FXR1: variants seen among roughly 807,000 people sequenced by gnomAD.
FXR1 encodes the protein FMR1 autosomal homolog 1.
Under a neutral mutation model 84.0 loss-of-function variants are expected in FXR1, and 15 were observed. The observed-to-expected ratio is 0.18, with a 90% CI of 0.12 to 0.27. The LOEUF (loss-of-function observed/expected upper bound fraction) is 0.27, where lower values mean the gene tolerates loss of function less well. FXR1 is among the 10% of genes least tolerant of loss of function. FXR1 has a pLI of 1.00. For missense variants in FXR1, 480 were observed against 774.4 expected, an observed-to-expected ratio of 0.62 and a Z score of 4.51; for synonymous variants, 245 against 250.7, an observed-to-expected ratio of 0.98 and a Z score of 0.21.
intron 3 of FXR1, among the ~76,000 whole-genome samples, chr3:180,935,817 C>T (rs945945043): frequency 6.6e-6 from 1 of 152,226 alleles, no homozygotes; most frequent in Non-Finnish European, 1.5e-5. Context: ...TTCTTTCAGG[C>T]TTGTCTCAGC....
At chr3:180,913,838 T>C (rs1166308398) in intron 1 of FXR1, among the ~76,000 whole-genome samples, 2 of 152,228 alleles carry the variant, frequency 1.3e-5, no homozygotes, top group Non-Finnish European at 2.9e-5. Flanking sequence ...TGAAGGGCCT[T>C]CTTCTAATAC....
chr3:180,962,749 T>G (rs902921890), intron 11 of FXR1, 134 bp from the exon 12 acceptor site: 5 of 648,348 alleles, frequency 7.7e-6, no homozygotes, highest in East Asian at 5.3e-5. Context: ...TTCTGTTGAC[T>G]AGGAACACAA....
In FXR1 at chr3:180,934,081, T is replaced by G. The variant is rs578193122; in HGVS notation, c.104+695T>G. 8.5e-5 allele frequency among the ~76,000 whole-genome samples: 13 copies of G among 152,252 alleles called. No individual in the cohort carries two copies. In the East Asian group the frequency reaches 2.5e-3, roughly 29 times the overall value. On this transcript the variant is annotated intron_variant, in intron 2 of 16. Coordinates refer to ENST00000357559, the MANE Select transcript of FXR1 (RefSeq NM_005087.4). Reference sequence around the variant, plus strand: ...GTGAGCTGAGACGGCGCCATTGCACTCCAGCCTGGACGACAAGAGCAAAAC... The same window carrying G: ...GTGAGCTGAGACGGCGCCATTGCACGCCAGCCTGGACGACAAGAGCAAAAC...
chr3:180,943,619 G>A (rs1721376014), intron 3 of FXR1, among the ~76,000 whole-genome samples: 4 of 152,140 alleles, frequency 2.6e-5, no homozygotes, highest in Admixed American at 2.6e-4. Flanking sequence ...CTTTATGAGA[G>A]TAACTTGGTC....
At chr3:180,926,974 A>G (rs900422033) in intron 1 of FXR1, among the ~76,000 whole-genome samples, 4 of 152,126 alleles carry the variant, frequency 2.6e-5, no homozygotes, top group Non-Finnish European at 4.4e-5. Context: ...CCACAACTCA[A>G]TCAAGATACC....
chr3:180,973,968 T>G (rs995305503), intron 15 of FXR1, among the ~76,000 whole-genome samples: 5 of 152,190 alleles, frequency 3.3e-5, no homozygotes, highest in African/African-American at 1.2e-4. Context: ...CCTAGTGACT[T>G]TAAATAAATA....
At chr3:180,974,467 A>T (rs1421449091) in intron 15 of FXR1, among the ~76,000 whole-genome samples, 2 of 152,090 alleles carry the variant, frequency 1.3e-5, no homozygotes, top group African/African-American at 2.4e-5. Context: ...TTGAAGAGAG[A>T]GTGTTGATGT....
At chr3:180,966,485 A>C (rs1343887223) in intron 13 of FXR1, among the ~76,000 whole-genome samples, 1 of 152,206 alleles carries the variant, frequency 6.6e-6, no homozygotes, top group South Asian at 2.1e-4. Flanking sequence ...TTTTTCCTCA[A>C]ATGATTGCAG....
At chr3:180,924,771 C>T (rs1480450705) in intron 1 of FXR1, among the ~76,000 whole-genome samples, 12 of 152,050 alleles carry the variant, frequency 7.9e-5, no homozygotes, top group Non-Finnish European at 1.3e-4. Flanking sequence ...GGATTACAGG[C>T]GTGAGCCACC....
In FXR1 at chr3:180,980,903, A is replaced by G. The variant is rs1044767256; in HGVS notation, c.*4611A>G. The G allele has an allele frequency of 1.3e-5, 2 of 151,860 alleles. No homozygotes were observed. Among genetic ancestry groups the G allele is most frequent in the African/African-American group, 4.8e-5 (2 of 41,326 alleles). 9.4% of individuals were successfully genotyped at this position (151,860 alleles called of 1,614,324 possible). A position where few individuals can be genotyped will look rare whatever the true frequency, so the allele number is the denominator to read the frequency against. On this transcript the variant is annotated 3_prime_UTR_variant, in exon 17 of 17. Transcript: ENST00000357559. ...TCCAGGATACTTTACATAACCAAAA[A>G]CCTAGGAGAGCATTCTACATTGTAA...
intron 1 of FXR1, among the ~76,000 whole-genome samples, chr3:180,918,756 C>T (rs1718202546): frequency 1.3e-5 from 2 of 152,188 alleles, no homozygotes; most frequent in South Asian, 2.1e-4. Flanking sequence ...CTGTTGATGG[C>T]AGTCCCATCT....
At chr3:180,928,373 C>T (rs1207454300) in intron 1 of FXR1, among the ~76,000 whole-genome samples, 1 of 134,712 alleles carries the variant, frequency 7.4e-6, no homozygotes, top group Admixed American at 7.6e-5. Context: ...CCCAGCCCCC[C>T]CACCCCATTT....
rs1341364598 is a variant in FXR1 at position 180,957,868 on chromosome 3, A to G, written c.930A>G (p.Lys310=). The G allele has an allele frequency of 1.3e-6, 2 of 1,593,110 alleles. No individual in the cohort carries two copies. ...AAGTTATTCAAGAAATAGTGGACAA[A>G]TCTGGTGTGGTTCGAGTGAGAATTG... The part of the protein sequence containing the change: ...NGKVIQEIVD[K]SGVVRVRIEG... Residue 310 remains lysine, a synonymous_variant, in exon 10 of 17, where the codon AAA becomes AAG. Transcript: ENST00000357559.
chr3:180,975,756 G>A (rs2108499721), intron 16 of FXR1, among the ~76,000 whole-genome samples: 1 of 152,242 alleles, frequency 6.6e-6, no homozygotes, highest in African/African-American at 2.4e-5. Context: ...TACAGTATTT[G>A]ATATGTAAAT....
intron 1 of FXR1, 68 bp downstream of exon 1, chr3:180,912,804 G>A (rs979759147): frequency 6.2e-7 from 1 of 1,612,356 alleles, no homozygotes; most frequent in East Asian, 2.2e-5. Context: ...AGGGTTGGTG[G>A]TCCCAGAGAG....
intron 11 of FXR1, among the ~76,000 whole-genome samples, chr3:180,961,985 A>G (rs1366830802): frequency 2.3e-4 from 35 of 152,212 alleles, no homozygotes; most frequent in Admixed American, 2.2e-3. Context: ...GCATTATGCA[A>G]ATCATCTGCA....
At chr3:180,945,738 T>A (rs1305288606) in intron 3 of FXR1, among the ~76,000 whole-genome samples, 1 of 152,192 alleles carries the variant, frequency 6.6e-6, no homozygotes, top group East Asian at 1.9e-4. Flanking sequence ...GGAAGAATAC[T>A]GTCATATACC....
At chr3:180,972,054 A>G (rs1713650915) in intron 15 of FXR1, among the ~76,000 whole-genome samples, 1 of 152,220 alleles carries the variant, frequency 6.6e-6, no homozygotes, top group African/African-American at 2.4e-5. Flanking sequence ...CTAAAAGTTC[A>G]TGTTTTAAAG....
chr3:180,918,759 T>G (rs923517917), intron 1 of FXR1, among the ~76,000 whole-genome samples: 7 of 152,220 alleles, frequency 4.6e-5, no homozygotes, highest in Non-Finnish European at 8.8e-5. Flanking sequence ...TTGATGGCAG[T>G]CCCATCTACC....
Sources: gnomAD v4.1 joint callset for allele counts (sites outside exome capture counted in the v4.1 genomes callset) on GRCh38, gnomAD v4.1.1 for gene constraint, MANE v1.5 for transcripts, NCBI Gene and HGNC (gene_info 2026-07-23, HGNC 2026-07-21) for gene names.